The following VSIG4 variants were observed in gnomAD, a reference collection of about 807,000 sequenced individuals.
VSIG4 encodes V-set and immunoglobulin domain-containing protein 4.
Under a neutral mutation model 23.4 loss-of-function variants are expected in VSIG4, and 34 were observed. That is an observed-to-expected ratio of 1.45 (90% CI 1.10 to 1.93). The LOEUF (loss-of-function observed/expected upper bound fraction) is 1.93, where lower values mean the gene tolerates loss of function less well. Among genes scored for constraint, VSIG4 ranks in the 30% most tolerant of loss-of-function variants. The pLI is 0.00. For missense variants in VSIG4, 433 were observed against 310.8 expected (o/e 1.39, Z -2.96); for synonymous variants, 169 against 120.3 (o/e 1.41, Z -2.65).
At chrX:66,038,750 T>C (rs752388753) in intron 1 of VSIG4, among the ~76,000 whole-genome samples, 1 of 111,255 alleles carries the variant, frequency 9.0e-6, no homozygotes, top group African/African-American at 3.3e-5. Context: ...ATTTTTTCTC[T>C]TGGTTGACTT....
intron 1 of VSIG4, among the ~76,000 whole-genome samples, chrX:66,034,615 A>G (rs1001934695): frequency 6.3e-5 from 7 of 110,955 alleles, no homozygotes; most frequent in Non-Finnish European, 9.4e-5. Flanking sequence ...ACATAGGAAA[A>G]TTTCATCTTG....
chrX:66,035,826 C>T (rs927930894), intron 1 of VSIG4, among the ~76,000 whole-genome samples: 1 of 112,272 alleles, frequency 8.9e-6, no homozygotes, highest in Admixed American at 9.4e-5. Flanking sequence ...CTCACATTCC[C>T]CTCTTGGGCA....
In VSIG4 at chrX:66,030,740, A is replaced by G. The variant is rs141586566; in HGVS notation, c.694+1728T>C. On this transcript the variant is annotated intron_variant, in intron 3 of 7. Coordinates refer to ENST00000374737, the MANE Select transcript of VSIG4 (RefSeq NM_007268.3). ...GAAAAGCTGCTATGAGGAATGAGACAAAGATAAGCAAATAGACACACGGCA... is the reference window on the plus strand; with the variant it reads ...GAAAAGCTGCTATGAGGAATGAGACGAAGATAAGCAAATAGACACACGGCA... Among the ~76,000 whole-genome samples, 900 of 111,878 alleles carry G rather than the reference A, an allele frequency of 8.0e-3. 16 individuals are homozygous for G. The highest frequency in any genetic ancestry group is 0.027 in the African/African-American group (840 of 30,776).
chrX:66,025,562 C>G (rs1385037017), intron 5 of VSIG4, among the ~76,000 whole-genome samples: 1 of 112,452 alleles, frequency 8.9e-6, no homozygotes, highest in East Asian at 2.8e-4. Flanking sequence ...TTCCTTCTTT[C>G]TCAAAACATA....
At chrX:66,033,926 A>T (rs1208233012) in intron 1 of VSIG4, 96 bp from the exon 2 acceptor site, 1 of 692,113 alleles carries the variant, frequency 1.4e-6, no homozygotes, top group Non-Finnish European at 2.2e-6. Flanking sequence ...TTTCTGAGAA[A>T]TGCCACTCAA....
chrX:66,030,750 A>G (rs767035970), intron 3 of VSIG4, among the ~76,000 whole-genome samples: 6 of 111,920 alleles, frequency 5.4e-5, no homozygotes, highest in Non-Finnish European at 1.1e-4. Flanking sequence ...AAAGATAAGC[A>G]AATAGACACA....
intron 6 of VSIG4, among the ~76,000 whole-genome samples, chrX:66,024,213 A>T (rs1353896519): frequency 8.9e-6 from 1 of 111,949 alleles, no homozygotes; most frequent in African/African-American, 3.3e-5. Context: ...AAGCATCCCA[A>T]TTTTTTTCCT....
rs1204942435 is a variant in VSIG4 at position 66,022,335 on chromosome X, G to A, written c.1128C>T (p.Asn376=). 3.3e-6 allele frequency: 4 copies of A among 1,212,315 alleles called. No individual in the cohort carries two copies. ...EYQIIAQING[N]YARLLDTVPL... ...GAACTGTGTCCAGCAGGCGGGCGTA[G>A]TTGCCATTGATCTGGGCGATGATCT... The change falls in exon 8 of 8, where the codon AAC becomes AAT. Residue 376 remains asparagine (N), a synonymous_variant. Coordinates refer to ENST00000374737, the MANE Select transcript of VSIG4 (RefSeq NM_007268.3).
At chrX:66,030,315 G>T (rs748220027) in intron 3 of VSIG4, among the ~76,000 whole-genome samples, 1 of 111,722 alleles carries the variant, frequency 9.0e-6, no homozygotes, top group African/African-American at 3.3e-5. Context: ...AGCTACCTTC[G>T]TGAGAAGGTT....
chrX:66,029,891 T>A (rs67345290), intron 3 of VSIG4, among the ~76,000 whole-genome samples: 37,516 of 109,676 alleles, frequency 0.34, 8,466 homozygotes, highest in African/African-American at 0.84. Context: ...CAGGAAAAAA[T>A]AAATACAGAT....
intron 7 of VSIG4, 162 bp from the exon 8 acceptor site, chrX:66,022,662 A>G (rs1350249406): frequency 9.8e-6 from 11 of 1,126,272 alleles, no homozygotes; most frequent in African/African-American, 1.8e-5. Flanking sequence ...TTGTGTTCAG[A>G]GGGCCAAAAC....
chrX:66,027,940 G>T, intron 4 of VSIG4, 110 bp downstream of exon 4: 1 of 703,954 alleles, frequency 1.4e-6, no homozygotes, highest in Non-Finnish European at 2.3e-6. Context: ...TTCTCTCTGA[G>T]GAACCAAGTG....
chrX:66,024,410 CTGTTGCCCATCTACAGAA>C (rs2085366391), intron 6 of VSIG4, among the ~76,000 whole-genome samples: 2 of 112,009 alleles, frequency 1.8e-5, no homozygotes, highest in African/African-American at 6.5e-5. Flanking sequence ...CTGTACTTCC[CTGTTGCCCATCTACAGAA>C]ATTTTCTTTA....
intron 1 of VSIG4, among the ~76,000 whole-genome samples, chrX:66,038,244 C>A (rs751586307): frequency 4.5e-5 from 5 of 111,469 alleles, no homozygotes; most frequent in African/African-American, 1.3e-4. Flanking sequence ...TGCAGTCCCA[C>A]AGAGTTGTCC....
At chrX:66,027,597 CA>C in intron 4 of VSIG4, 71 bp from the exon 5 acceptor site, 1 of 923,166 alleles carries the variant, frequency 1.1e-6, no homozygotes, top group East Asian at 3.4e-5. Flanking sequence ...GAGATGGTTG[CA>C]AAGGTTGGAG....
chrX:66,040,029 CAGCCTCCTGCT>C lies in VSIG4; in HGVS notation c.-42_-32del, dbSNP rs754261332. ...CCAGAGCTACTTCTGTCCTTTCTTC[CAGCCTCCTGCT>C]ACCAAAGAGGCTCAAACTTCTGGTG... On this transcript the variant is annotated 5_prime_UTR_variant, in exon 1 of 8. Transcript: ENST00000374737. 1 of 1,207,238 alleles carries C rather than the reference CAGCCTCCTGCT, an allele frequency of 8.3e-7. No individual in the cohort carries two copies. The highest frequency in any genetic ancestry group is 1.1e-6 in the Non-Finnish European group (1 of 891,731).
Position 66,022,154 on chromosome X carries a change from C to A in VSIG4, c.*109G>T. 8.3e-7 allele frequency: 1 copy of A among 1,201,350 alleles called. No individual in the cohort carries two copies. The highest frequency in any genetic ancestry group is 1.1e-6 in the Non-Finnish European group (1 of 890,156). On this transcript the variant is annotated 3_prime_UTR_variant, in exon 8 of 8. Transcript: ENST00000374737. ...TCCCAGCGGCTCCAGTGTTGGTAGG[C>A]GGACACTTTGGGCTATCCAGGAAGA...
In VSIG4 at chrX:66,032,722, G is replaced by A. The variant is rs1452596685; in HGVS notation, c.440C>T (p.Thr147Ile). 1 of 1,209,543 alleles carries A rather than the reference G, an allele frequency of 8.3e-7. No homozygotes were observed. The highest frequency in any genetic ancestry group is 3.0e-5 in the East Asian group (1 of 33,736). The change falls in exon 3 of 8, where the codon ACT becomes ATT. Residue 147 changes from threonine to isoleucine, a missense_variant. Physicochemically the swap from Thr to Ile is moderately conservative, Grantham distance 89. Coordinates refer to ENST00000374737, the MANE Select transcript of VSIG4 (RefSeq NM_007268.3). ...CACCGTGAAGCCATAACCGCTGCCA[G>A]TTGTCACTGTGGGCTTGGAGACAGA... ...KLSVSKPTVTTGSGYGFTVPQ... is the reference protein window; with the variant it reads ...KLSVSKPTVTIGSGYGFTVPQ...
At chrX:66,033,927 T>C (rs5964488) in intron 1 of VSIG4, 97 bp from the exon 2 acceptor site, 140,803 of 693,095 alleles carry the variant, frequency 0.2, 18,154 homozygotes, top group African/African-American at 0.83. Context: ...TTCTGAGAAA[T>C]GCCACTCAAC....
Sources: gnomAD v4.1 joint callset for allele counts (sites outside exome capture counted in the v4.1 genomes callset) on GRCh38, gnomAD v4.1.1 for gene constraint, MANE v1.5 for transcripts, NCBI Gene and HGNC (gene_info 2026-07-23, HGNC 2026-07-21) for gene names.